The following FOXP1 variants were observed in gnomAD, a reference collection of about 807,000 sequenced individuals.
FOXP1 encodes the protein forkhead box protein P1.
Under a neutral mutation model 98.2 loss-of-function variants are expected in FOXP1, and 15 were observed. The ratio of observed to expected loss-of-function variants is 0.15; its 90% confidence interval spans 0.10 to 0.24. The LOEUF (loss-of-function observed/expected upper bound fraction) is 0.24. FOXP1 is among the 10% of genes least tolerant of loss of function. The pLI is 1.00. For synonymous variants in FOXP1, 371 were observed against 314.5 expected, an observed-to-expected ratio of 1.18 and a Z score of -1.90; for missense variants, 633 against 848.5, an observed-to-expected ratio of 0.75 and a Z score of 3.15.
At chr3:71,262,561 T>C (rs2069263269) in intron 5 of FOXP1, among the ~76,000 whole-genome samples, 1 of 152,130 alleles carries the variant, frequency 6.6e-6, no homozygotes, top group Admixed American at 6.5e-5. Context: ...AAAAGCATCA[T>C]TAATCACTGT....
chr3:71,060,867 T>C (rs754471546), intron 7 of FOXP1, among the ~76,000 whole-genome samples: 25 of 152,204 alleles, frequency 1.6e-4, no homozygotes, highest in Admixed American at 1.0e-3. Flanking sequence ...TGCATCTTCA[T>C]TGATTAGTTG....
intron 1 of FOXP1, 188 bp from the exon 2 acceptor site, chr3:71,581,885 A>C: frequency 1.0e-6 from 1 of 985,294 alleles, no homozygotes; most frequent in Non-Finnish European, 1.2e-6. Flanking sequence ...GCAAGGATCC[A>C]GAGACCGGGA....
intron 2 of FOXP1, among the ~76,000 whole-genome samples, chr3:71,566,120 G>GCC (rs889142085): frequency 6.6e-6 from 1 of 152,164 alleles, no homozygotes; most frequent in African/African-American, 2.4e-5. Context: ...TAAAGATTCT[G>GCC]CCCGAGCCGC....
At chr3:70,959,814 T>C (rs2032839893) in intron 20 of FOXP1, among the ~76,000 whole-genome samples, 1 of 152,166 alleles carries the variant, frequency 6.6e-6, no homozygotes, top group African/African-American at 2.4e-5. Context: ...CAGTGTGTGA[T>C]TCAGGTCTGG....
At chr3:71,520,626 A>G (rs2107443971) in intron 2 of FOXP1, among the ~76,000 whole-genome samples, 1 of 152,374 alleles carries the variant, frequency 6.6e-6, no homozygotes, top group South Asian at 2.1e-4. Context: ...TCGAGAAAAC[A>G]GCTTCAGATC....
At chr3:71,134,974 C>A (rs764401268) in intron 6 of FOXP1, among the ~76,000 whole-genome samples, 4 of 151,968 alleles carry the variant, frequency 2.6e-5, no homozygotes, top group Non-Finnish European at 5.9e-5. Flanking sequence ...AGTTATAATC[C>A]CCGGCCAGGC....
At chr3:71,274,843 G>C (rs999706372) in intron 5 of FOXP1, among the ~76,000 whole-genome samples, 6 of 152,150 alleles carry the variant, frequency 3.9e-5, no homozygotes, top group Admixed American at 3.3e-4. Flanking sequence ...ATTTAAAAGA[G>C]AGATTATCAA....
At chr3:71,467,697 A>C (rs2088915872) in intron 3 of FOXP1, among the ~76,000 whole-genome samples, 2 of 152,214 alleles carry the variant, frequency 1.3e-5, no homozygotes, top group Non-Finnish European at 2.9e-5. Context: ...CCAAAACTTT[A>C]TATTACTATG....
At chr3:71,133,834 GA>G (rs1470666878) in intron 6 of FOXP1, among the ~76,000 whole-genome samples, 1 of 151,452 alleles carries the variant, frequency 6.6e-6, no homozygotes, top group Non-Finnish European at 1.5e-5. Context: ...GTGTGTGTGT[GA>G]TGTTTTTTTT....
chr3:71,207,325 C>A (rs1022088247), intron 5 of FOXP1, among the ~76,000 whole-genome samples: 1 of 151,128 alleles, frequency 6.6e-6, no homozygotes, highest in Non-Finnish European at 1.5e-5. Flanking sequence ...TAATGACTGG[C>A]GTGATCTATG....
At chr3:71,234,302 A>G (rs2066591087) in intron 5 of FOXP1, among the ~76,000 whole-genome samples, 2 of 152,338 alleles carry the variant, frequency 1.3e-5, no homozygotes, top group Admixed American at 1.3e-4. Context: ...CATTCATTAT[A>G]TTCCAACTCG....
chr3:71,326,408 TC>T (rs1331351733), intron 4 of FOXP1, among the ~76,000 whole-genome samples: 1 of 152,030 alleles, frequency 6.6e-6, no homozygotes, highest in Non-Finnish European at 1.5e-5. Flanking sequence ...GTAATAAAGC[TC>T]CCAATGATGG....
chr3:71,117,954 A>G (rs2058494750), intron 6 of FOXP1, among the ~76,000 whole-genome samples: 1 of 152,222 alleles, frequency 6.6e-6, no homozygotes, highest in South Asian at 2.1e-4. Flanking sequence ...TCAAGCTAAA[A>G]TAAGTGGCTC....
intron 4 of FOXP1, among the ~76,000 whole-genome samples, chr3:71,326,275 T>TA (rs1236292311): frequency 3.9e-5 from 6 of 152,242 alleles, no homozygotes; most frequent in Admixed American, 3.9e-4. Flanking sequence ...GCATTGCTAA[T>TA]AAAAAACAGT....
intron 5 of FOXP1, chr3:71,244,752 G>T (rs1228457200): frequency 2.0e-5 from 3 of 151,716 alleles, no homozygotes; most frequent in Non-Finnish European, 4.4e-5. Context: ...TGTTTGGGAG[G>T]GGGACCACAA....
At chr3:71,199,661 A>G (rs917662396) in intron 5 of FOXP1, among the ~76,000 whole-genome samples, 4 of 151,938 alleles carry the variant, frequency 2.6e-5, no homozygotes, top group African/African-American at 9.7e-5. Context: ...AATTGCTTGA[A>G]CCTAGGGGGT....
intron 5 of FOXP1, among the ~76,000 whole-genome samples, chr3:71,238,149 C>G (rs991347301): frequency 1.3e-5 from 2 of 152,214 alleles, no homozygotes; most frequent in African/African-American, 4.8e-5. Context: ...TCTCAGGCTA[C>G]ATATAGATTA....
At chr3:71,457,688 CA>C (rs1238598378) in intron 3 of FOXP1, among the ~76,000 whole-genome samples, 3 of 152,122 alleles carry the variant, frequency 2.0e-5, no homozygotes, top group Non-Finnish European at 4.4e-5. Flanking sequence ...CTCCTGTACA[CA>C]AAAATACTAG....
At chr3:71,135,067 T>A (rs1304900712) in intron 6 of FOXP1, among the ~76,000 whole-genome samples, 1 of 152,070 alleles carries the variant, frequency 6.6e-6, no homozygotes, top group African/African-American at 2.4e-5. Context: ...GAGACCATCC[T>A]GGCCAACACG....
Sources: allele counts gnomAD v4.1 joint callset (sites outside exome capture counted in the v4.1 genomes callset), GRCh38; gene constraint gnomAD v4.1.1; transcripts MANE v1.5; gene names NCBI Gene and HGNC (gene_info 2026-07-23, HGNC 2026-07-21).